The following LZTS3 variants were observed in gnomAD, a reference collection of about 807,000 sequenced individuals.
The protein encoded by LZTS3 is leucine zipper putative tumor suppressor 3.
In LZTS3, 16 loss-of-function variants were observed where a neutral mutation model predicts 50.9. The observed-to-expected ratio is 0.31, with a 90% confidence interval of 0.21 to 0.48. The LOEUF is 0.48. Among genes scored for constraint, LZTS3 ranks in the 20% least tolerant of loss-of-function variants. The pLI, the probability that LZTS3 is intolerant of heterozygous loss-of-function variation, is 0.99. For synonymous variants in LZTS3, 408 were observed against 410.6 expected (o/e 0.99, Z 0.08); for missense variants, 816 against 931.0 (o/e 0.88, Z 1.61).
chr20:3,169,079 C>T (rs2066871391), intron 1 of LZTS3, among the ~76,000 whole-genome samples: 1 of 151,778 alleles, frequency 6.6e-6, no homozygotes, highest in South Asian at 2.1e-4. Flanking sequence ...CTCCCTTGGA[C>T]CCGTCTGTCC....
chr20:3,170,486 CAAAAAAAA>C (rs397955055), intron 1 of LZTS3, among the ~76,000 whole-genome samples: 3 of 72,582 alleles, frequency 4.1e-5, no homozygotes, highest in South Asian at 6.3e-4. Flanking sequence ...GAGACTACAT[CAAAAAAAA>C]AAAAAAAAAA....
In LZTS3 at chr20:3,164,572, C is replaced by T. The variant is rs770639326; in HGVS notation, c.1904G>A (p.Arg635His). The part of the protein sequence containing the change: ...EMYQRNQQLE[R>H]RLRERGAAGG... Reference sequence around the variant, plus strand: ...TGCGGCCCCGCGCTCCCGCAGCCTGCGCTCCAGCTGCTGGTTGCGCTGGTA... The same window carrying T: ...TGCGGCCCCGCGCTCCCGCAGCCTGTGCTCCAGCTGCTGGTTGCGCTGGTA... Residue 635 changes from arginine to histidine, a missense_variant, in exon 5 of 5, where the codon CGC (arginine) becomes CAC (histidine). Around this residue, in one of 3 missense-constraint regions of LZTS3, gnomAD observed 107 missense variants for 130.4 expected, o/e 0.82. Transcript: ENST00000337576. 1.2e-6 allele frequency: 2 copies of T among 1,610,626 alleles called. No individual in the cohort carries two copies. Among genetic ancestry groups the T allele is most frequent in the East Asian group, 4.5e-5 (2 of 44,536 alleles).
intron 1 of LZTS3, among the ~76,000 whole-genome samples, chr20:3,171,028 A>AG (rs1300911681): frequency 1.2e-4 from 19 of 152,330 alleles, no homozygotes; most frequent in African/African-American, 4.3e-4. Flanking sequence ...GCAAGGGGAT[A>AG]GCAAGGTGAC....
chr20:3,166,049 A>G lies in LZTS3; in HGVS notation c.771T>C (p.Gly257=). 6.2e-7 allele frequency: 1 copy of G among 1,612,822 alleles called. No individual in the cohort carries two copies. The highest frequency in any genetic ancestry group is 8.5e-7 in the Non-Finnish European group (1 of 1,179,410). The change falls in exon 4 of 5, where the codon GGT becomes GGC. Residue 257 remains glycine, a synonymous_variant. Transcript: ENST00000337576. ...CACCGCTGCTGCCGCCACTACCACT[A>G]CCATAGCTGGCAGTGCCAATGCGGT... ...HINRIGTASY[G]SGSGGSSGGG...
chr20:3,167,884 G>GCAGTC lies in LZTS3; in HGVS notation c.-170_-166dup, dbSNP rs1233788099. 1 of 984,882 alleles carries GCAGTC rather than the reference G, an allele frequency of 1.0e-6. No homozygotes were observed. The highest frequency in any genetic ancestry group is 1.2e-6 in the Non-Finnish European group (1 of 829,576). The allele number at this position is 984,882 out of a possible 1,614,324, so 61.0% of individuals were successfully genotyped here. On this transcript the variant is annotated 5_prime_UTR_variant, in exon 2 of 5. It removes the in-frame stop codon of an upstream open reading frame in the 5' UTR. Transcript: ENST00000337576. Reference sequence around the variant, plus strand: ...TGCAGGGGCCATGTGCCTCACTCTCGCAGTCGGGGCTCGGCCCGAACCAGC... The same window carrying GCAGTC: ...TGCAGGGGCCATGTGCCTCACTCTCGCAGTCCAGTCGGGGCTCGGCCCGAACCAGC...
At chr20:3,166,675 C>T in intron 3 of LZTS3, 30 bp downstream of exon 3, 1 of 1,597,980 alleles carries the variant, frequency 6.3e-7, no homozygotes, top group Non-Finnish European at 8.6e-7. Flanking sequence ...CAGAAAAAGG[C>T]TGTGAGGGTC....
Position 3,173,491 on chromosome 20 carries a change from G to T in LZTS3, c.-279C>A, listed in dbSNP as rs1213499638. 2.0e-5 allele frequency: 3 copies of T among 151,868 alleles called. No homozygotes were observed. The highest frequency in any genetic ancestry group is 1.3e-4 in the Admixed American group (2 of 15,260). The allele number at this position is 151,868 out of a possible 1,614,324, so 9.4% of individuals were successfully genotyped here. A position where few individuals can be genotyped will look rare whatever the true frequency, so the allele number is the denominator to read the frequency against. On this transcript the variant is annotated 5_prime_UTR_variant, in exon 1 of 5. Transcript: ENST00000337576. ...GGGTCCGGCGCGGGGTCTCCGACAC[G>T]GGCGCCACCGGCCCCGCTTGCTGGC...
intron 3 of LZTS3, 86 bp downstream of exon 3, chr20:3,166,619 C>G: frequency 7.9e-6 from 12 of 1,518,432 alleles, no homozygotes; most frequent in Non-Finnish European, 1.1e-5. Context: ...AACCCAACCT[C>G]CAAGAAGGCC....
chr20:3,170,213 G>T (rs2066884698), intron 1 of LZTS3, among the ~76,000 whole-genome samples: 1 of 152,134 alleles, frequency 6.6e-6, no homozygotes. Context: ...ACAAGTGCCG[G>T]ATGCGGTGGC....
rs962230057 is a variant in LZTS3 at position 3,166,638 on chromosome 20, C to T, written c.459+67G>A. ...CAACCTCCAAGAAGGCCCACTTTGC[C>T]TTCCTCTCTGGGTTGCCTCCCACCC... On this transcript the variant is annotated intron_variant, in intron 3 of 4. Transcript: ENST00000337576. 5.8e-6 allele frequency: 9 copies of T among 1,562,560 alleles called. No individual in the cohort carries two copies. The South Asian group carries it at 9.5e-5, about 17-fold the overall frequency.
intron 1 of LZTS3, among the ~76,000 whole-genome samples, chr20:3,170,131 T>C (rs1422146220): frequency 1.3e-5 from 2 of 151,614 alleles, no homozygotes; most frequent in Non-Finnish European, 2.9e-5. Flanking sequence ...GGTTGGAGAG[T>C]GTGCTGCGGA....
At chr20:3,172,133 C>G (rs981439355) in intron 1 of LZTS3, among the ~76,000 whole-genome samples, 9 of 152,198 alleles carry the variant, frequency 5.9e-5, no homozygotes, top group Non-Finnish European at 1.2e-4. Flanking sequence ...CTCCCCCAGG[C>G]AGCTGCCAGG....
chr20:3,167,469 T>G, intron 2 of LZTS3: 2 of 900,352 alleles, frequency 2.2e-6, no homozygotes, highest in East Asian at 1.7e-4. Context: ...CAGCGTTCCA[T>G]TCCTAAACTT....
rs1461224296 is a variant in LZTS3, at chr20:3,164,412, T to C, written c.*42A>G. ...GGAGGGGACACTGGGGACTCTGGCC[T>C]TTTGACAGGACATGTGTCAAAATGC... On this transcript the variant is annotated 3_prime_UTR_variant, in exon 5 of 5. Transcript: ENST00000337576. The C allele has an allele frequency of 2.0e-6, 3 of 1,495,064 alleles. No individual in the cohort carries two copies. In the African/African-American group the frequency reaches 4.3e-5, roughly 22 times the overall value. The allele number at this position is 1,495,064 out of a possible 1,614,324, so 92.6% of individuals were successfully genotyped here. A position where few individuals can be genotyped will look rare whatever the true frequency, so the allele number is the denominator to read the frequency against.
At position 3,167,169 on chromosome 20, in the gene LZTS3, A is replaced by G. The variant is rs766734949; in HGVS notation, c.-6T>C. On this transcript the variant is annotated 5_prime_UTR_variant, in exon 3 of 5. Transcript: ENST00000337576. ...AGCGTCTCCAGCTTCGCCATGACTAAGCCAGGGGGGCACTGTGGGCACAGG... is the reference window on the plus strand; with the variant it reads ...AGCGTCTCCAGCTTCGCCATGACTAGGCCAGGGGGGCACTGTGGGCACAGG... 4.8e-6 allele frequency: 7 copies of G among 1,465,784 alleles called. No homozygotes were observed. The highest frequency in any genetic ancestry group is 6.3e-6 in the Non-Finnish European group (7 of 1,114,020). 90.8% of individuals were successfully genotyped at this position (1,465,784 alleles called of 1,614,324 possible).
chr20:3,171,949 T>G (rs1249951610), intron 1 of LZTS3, among the ~76,000 whole-genome samples: 4 of 152,166 alleles, frequency 2.6e-5, no homozygotes, highest in Admixed American at 1.3e-4. Context: ...GACAGTTACA[T>G]GTACAGGTAC....
chr20:3,167,516 C>G, intron 2 of LZTS3: 1 of 1,068,904 alleles, frequency 9.4e-7, no homozygotes, highest in Non-Finnish European at 1.1e-6. Flanking sequence ...GCTTCCCAGG[C>G]TCAGTGACCC....
intron 1 of LZTS3, among the ~76,000 whole-genome samples, 174 bp downstream of exon 1, chr20:3,173,281 G>A (rs953291819): frequency 1.1e-4 from 16 of 151,654 alleles, no homozygotes; most frequent in African/African-American, 1.7e-4. Flanking sequence ...CCCAGGCCGG[G>A]CGAAGCATCC....
rs376951418 is a variant in LZTS3 at position 3,166,194 on chromosome 20, G to A, written c.626C>T (p.Ala209Val). The change falls in exon 4 of 5, where the codon GCG (alanine) becomes GTG (valine). Residue 209 changes from alanine (A) to valine (V), a missense_variant. Ala to Val is a moderately conservative substitution (Grantham distance 64). Coordinates refer to ENST00000337576, the MANE Select transcript of LZTS3 (RefSeq NM_001365618.1). ...GLDKSRTMTP[A>V]GGSGSGLSDS... ...TGAGAGGCCACTCCCACTCCCACCC[G>A]CTGGAGTCATGGTCCGAGACTTGTC... The A allele has an allele frequency of 5.7e-5, 92 of 1,613,526 alleles. No individual in the cohort carries two copies. The highest frequency in any genetic ancestry group is 7.0e-5 in the Non-Finnish European group (83 of 1,179,818).
Sources: gnomAD v4.1 joint callset for allele counts (sites outside exome capture counted in the v4.1 genomes callset) on GRCh38, gnomAD v4.1.1 for gene constraint, gnomAD v4.1.1 regional missense constraint, MANE v1.5 for transcripts, NCBI Gene and HGNC (gene_info 2026-07-23, HGNC 2026-07-21) for gene names.